Variants in ARHGEF10 observed in about 807,000 individuals in gnomAD.
ARHGEF10 encodes Rho guanine nucleotide exchange factor 10, also known as Rho guanine nucleotide exchange factor (GEF) 10.
ARHGEF10 carries 140 observed loss-of-function variants against 147.4 expected under a neutral mutation model. That is an observed-to-expected ratio of 0.95 (90% confidence interval 0.83 to 1.09). ARHGEF10 has a LOEUF of 1.09. ARHGEF10 is among the 50% of genes least tolerant of loss of function. ARHGEF10 has a pLI of 0.00. For synonymous variants in ARHGEF10, 902 were observed against 695.8 expected (o/e 1.30, Z -4.67); for missense variants, 2,222 against 1,752.7 (o/e 1.27, Z -4.78).
intron 1 of ARHGEF10, among the ~76,000 whole-genome samples, chr8:1,833,462 GCAGGGGCAGAGA>G (rs370238976): frequency 5.2e-4 from 79 of 151,994 alleles, no homozygotes; most frequent in African/African-American, 1.5e-3. Context: ...AGGGGCAGAG[GCAGGGGCAGAGA>G]CAGGGGCAGG....
intron 27 of ARHGEF10, among the ~76,000 whole-genome samples, chr8:1,951,292 A>C (rs1433938617): frequency 6.6e-6 from 1 of 152,198 alleles, no homozygotes; most frequent in African/African-American, 2.4e-5. Context: ...ATCAGCTTTG[A>C]AGCTGCTGCC....
chr8:1,856,860 G>T (rs1665186929), intron 2 of ARHGEF10, among the ~76,000 whole-genome samples: 1 of 152,214 alleles, frequency 6.6e-6, no homozygotes, highest in African/African-American at 2.4e-5. Flanking sequence ...CCCAGCCCTT[G>T]GGAAAGGCTG....
intron 5 of ARHGEF10, among the ~76,000 whole-genome samples, chr8:1,864,715 A>G (rs1042452122): frequency 6.6e-6 from 1 of 151,898 alleles, no homozygotes; most frequent in African/African-American, 2.4e-5. Flanking sequence ...GCTTTCCCTC[A>G]TTTGCTTTTC....
intron 23 of ARHGEF10, chr8:1,927,023 A>T (rs1255984106): frequency 5.2e-6 from 1 of 192,658 alleles, no homozygotes; most frequent in African/African-American, 2.4e-5. Flanking sequence ...TGCTTTTCCA[A>T]ACTCTCATCC....
intron 21 of ARHGEF10, among the ~76,000 whole-genome samples, chr8:1,924,183 T>C (rs1186957289): frequency 6.6e-6 from 1 of 152,150 alleles, no homozygotes; most frequent in African/African-American, 2.4e-5. Context: ...AGCCAGGTGC[T>C]CAAGGCGGGC....
chr8:1,934,009 G>A, intron 26 of ARHGEF10, 67 bp downstream of exon 26: 1 of 1,608,026 alleles, frequency 6.2e-7, no homozygotes, highest in Non-Finnish European at 8.5e-7. Context: ...GCTGACTTCT[G>A]GTGCCGAAGT....
intron 8 of ARHGEF10, among the ~76,000 whole-genome samples, chr8:1,877,169 A>C (rs1269515265): frequency 6.6e-6 from 1 of 152,240 alleles, no homozygotes; most frequent in Non-Finnish European, 1.5e-5. Context: ...GGAAGACGTA[A>C]AAATAGAAGA....
At chr8:1,894,685 G>C in intron 13 of ARHGEF10, 113 bp downstream of exon 13, 1 of 1,249,206 alleles carries the variant, frequency 8.0e-7, no homozygotes, top group South Asian at 1.2e-5. Context: ...CAAGTGTGCA[G>C]TTCTCTCTAA....
At chr8:1,827,391 C>A (rs984054770) in intron 1 of ARHGEF10, among the ~76,000 whole-genome samples, 1 of 152,194 alleles carries the variant, frequency 6.6e-6, no homozygotes, top group East Asian at 1.9e-4. Flanking sequence ...TTGCTGCAGT[C>A]TTTGCTTCCC....
At chr8:1,846,068 C>T (rs1019383589) in intron 2 of ARHGEF10, among the ~76,000 whole-genome samples, 6 of 152,238 alleles carry the variant, frequency 3.9e-5, no homozygotes, top group Non-Finnish European at 8.8e-5. Flanking sequence ...TAGCTCCAGG[C>T]TGCAGGAATG....
In ARHGEF10 at chr8:1,934,468, A is replaced by G. The variant is rs138495143; in HGVS notation, c.3222+526A>G. ...ATTTTTTAACCATTTACCTGTGTTC[A>G]CTGGTTATCTGCTAAGTAAAAGAAA... On this transcript the variant is annotated intron_variant, in intron 26 of 28. Coordinates refer to ENST00000349830, the MANE Select transcript of ARHGEF10 (RefSeq NM_014629.4). Among the ~76,000 whole-genome samples, 111 of 152,246 alleles carry G rather than the reference A, an allele frequency of 7.3e-4. No individual in the cohort carries two copies. The Middle Eastern group carries it at 0.014, about 19-fold the overall frequency.
At chr8:1,858,401 T>C (rs561329289) in intron 3 of ARHGEF10, among the ~76,000 whole-genome samples, 1 of 152,234 alleles carries the variant, frequency 6.6e-6, no homozygotes, top group Non-Finnish European at 1.5e-5. Flanking sequence ...CAGAGAGTTA[T>C]GATTTCTTCA....
At chr8:1,951,709 C>CT (rs1335645590) in intron 27 of ARHGEF10, among the ~76,000 whole-genome samples, 1 of 152,244 alleles carries the variant, frequency 6.6e-6, no homozygotes, top group Non-Finnish European at 1.5e-5. Flanking sequence ...AATGGGCCTA[C>CT]TGTGCTCCTC....
intron 3 of ARHGEF10, 22 bp from the exon 4 acceptor site, chr8:1,859,875 C>G (rs749265860): frequency 1.2e-6 from 2 of 1,613,808 alleles, no homozygotes; most frequent in East Asian, 4.5e-5. Context: ...TGTCTGCTGA[C>G]AAGTCCTTTC....
At chr8:1,886,333 A>G (rs1481528287) in intron 11 of ARHGEF10, among the ~76,000 whole-genome samples, 5 of 152,180 alleles carry the variant, frequency 3.3e-5, no homozygotes, top group African/African-American at 4.8e-5. Context: ...AGCGAGGTGC[A>G]AATCATGGAC....
chr8:1,862,411 G>C (rs1271131430), intron 4 of ARHGEF10, among the ~76,000 whole-genome samples: 1 of 152,260 alleles, frequency 6.6e-6, no homozygotes, highest in Non-Finnish European at 1.5e-5. Flanking sequence ...CCACAGGCAG[G>C]TCCTGCTCTT....
chr8:1,894,712 G>A (rs1056669820), intron 13 of ARHGEF10, 140 bp downstream of exon 13: 32 of 947,780 alleles, frequency 3.4e-5, no homozygotes, highest in African/African-American at 6.5e-5. Context: ...GGCTGAAGTT[G>A]CAATGCCCTG....
At chr8:1,874,393 A>G (rs1043529326) in intron 7 of ARHGEF10, among the ~76,000 whole-genome samples, 34 of 152,224 alleles carry the variant, frequency 2.2e-4, no homozygotes, top group African/African-American at 6.5e-4. Context: ...ACTCTTGCCA[A>G]CTGCTGTGCG....
At chr8:1,874,386 C>G (rs946578262) in intron 7 of ARHGEF10, among the ~76,000 whole-genome samples, 9 of 152,208 alleles carry the variant, frequency 5.9e-5, no homozygotes, top group Non-Finnish European at 1.2e-4. Flanking sequence ...TGATTAGACT[C>G]TTGCCAACTG....
Sources: gnomAD v4.1 joint callset for allele counts (sites outside exome capture counted in the v4.1 genomes callset) on GRCh38, gnomAD v4.1.1 for gene constraint, MANE v1.5 for transcripts, NCBI Gene and HGNC (gene_info 2026-07-23, HGNC 2026-07-21) for gene names.